Variants in CACNA1H observed in about 807,000 individuals in gnomAD.
CACNA1H encodes voltage-dependent T-type calcium channel subunit alpha-1H.
In CACNA1H, 149 loss-of-function variants were observed where a neutral mutation model predicts 192.5. The ratio of observed to expected loss-of-function variants is 0.77; its 90% CI spans 0.68 to 0.89. CACNA1H has a LOEUF of 0.89. CACNA1H is among the 40% of genes least tolerant of loss of function. The pLI is 0.00. For missense variants in CACNA1H, 4,257 were observed against 3,423.5 expected, an observed-to-expected ratio of 1.24 and a Z score of -6.08; for synonymous variants, 2,202 against 1,475.2, an observed-to-expected ratio of 1.49 and a Z score of -11.29.
intron 26 of CACNA1H, 102 bp downstream of exon 26, chr16:1,212,630 C>A: frequency 7.1e-7 from 1 of 1,415,694 alleles, no homozygotes; most frequent in Non-Finnish European, 9.7e-7. Flanking sequence ...AGGGTGGGCA[C>A]AGGCAGCCGG....
At chr16:1,172,019 C>T (rs948534425) in intron 2 of CACNA1H, among the ~76,000 whole-genome samples, 13 of 152,332 alleles carry the variant, frequency 8.5e-5, no homozygotes, top group South Asian at 2.1e-4. Context: ...CTGTGGAGTC[C>T]GAGTGGGTCG....
chr16:1,192,799 A>AG (rs1966735176), intron 2 of CACNA1H, among the ~76,000 whole-genome samples: 1 of 152,112 alleles, frequency 6.6e-6, no homozygotes, highest in Non-Finnish European at 1.5e-5. Flanking sequence ...AGACATCTGG[A>AG]GGCGGGTCTC....
chr16:1,173,844 A>G (rs759751734), intron 2 of CACNA1H, among the ~76,000 whole-genome samples: 5 of 152,114 alleles, frequency 3.3e-5, no homozygotes, highest in Non-Finnish European at 5.9e-5. Flanking sequence ...AGTTGTGGAC[A>G]TTAACCTGTG....
At chr16:1,216,325 A>G (rs1032085330) in intron 30 of CACNA1H, among the ~76,000 whole-genome samples, 71 of 152,066 alleles carry the variant, frequency 4.7e-4, no homozygotes, top group African/African-American at 1.5e-3. Flanking sequence ...GCCAGGTACC[A>G]CTCCACCAGG....
At chr16:1,157,118 G>C (rs932959232) in intron 2 of CACNA1H, 2 of 152,214 alleles carry the variant, frequency 1.3e-5, no homozygotes, top group Non-Finnish European at 2.9e-5. Flanking sequence ...AGCTGCCGCC[G>C]TCCCGGCACA....
intron 2 of CACNA1H, among the ~76,000 whole-genome samples, chr16:1,170,871 G>C (rs1964298165): frequency 6.6e-6 from 1 of 152,182 alleles, no homozygotes; most frequent in Admixed American, 6.5e-5. Flanking sequence ...TGTGGGTCAG[G>C]GTTCAAGGCG....
chr16:1,209,519 G>A, intron 17 of CACNA1H, 107 bp downstream of exon 17: 1 of 1,369,754 alleles, frequency 7.3e-7, no homozygotes, highest in Non-Finnish European at 1.0e-6. Flanking sequence ...TTGACTGAGG[G>A]GATTCAGAAG....
At chr16:1,178,738 C>G (rs569189869) in intron 2 of CACNA1H, among the ~76,000 whole-genome samples, 88 of 152,310 alleles carry the variant, frequency 5.8e-4, no homozygotes, top group African/African-American at 2.0e-3. Flanking sequence ...CGGCCAGGAG[C>G]TCCTGGGCAG....
At position 1,158,130 on chromosome 16, in the gene CACNA1H, G is replaced by A. The variant is rs184597099; in HGVS notation, c.299+4094G>A. ...GGTGTGGGTTCCCACTGAGCCCTAC[G>A]GCCTACCCACGAGAGGGCTGGATGT... On this transcript the variant is annotated intron_variant, in intron 2 of 34. Transcript: ENST00000348261. Among the ~76,000 whole-genome samples, 84 of 152,328 alleles carry A rather than the reference G, an allele frequency of 5.5e-4. No individual in the cohort carries two copies. In the East Asian group the frequency reaches 0.013, roughly 23 times the overall value.
chr16:1,168,199 C>A (rs973897578), intron 2 of CACNA1H, among the ~76,000 whole-genome samples: 5 of 151,958 alleles, frequency 3.3e-5, no homozygotes, highest in African/African-American at 9.7e-5. Context: ...GGGATCCCCC[C>A]CCCCAAGTGA....
In CACNA1H at chr16:1,171,155, G is replaced by T. The variant is rs529001302; in HGVS notation, c.299+17119G>T. ...GCCTTCCCACCCGCACCCCTGGGGT[G>T]CTCTCTGGGGAGCCCTGGAAGTCCC... On this transcript the variant is annotated intron_variant, in intron 2 of 34. Transcript: ENST00000348261. 2.0e-5 allele frequency among the ~76,000 whole-genome samples: 3 copies of T among 152,236 alleles called. No homozygotes were observed. The East Asian group carries it at 5.8e-4, about 30-fold the overall frequency.
chr16:1,218,647 C>G lies in CACNA1H; in HGVS notation c.5883C>G (p.Pro1961=). The G allele has an allele frequency of 2.0e-6, 3 of 1,536,592 alleles. No individual in the cohort carries two copies. The highest frequency in any genetic ancestry group is 1.2e-5 in the South Asian group (1 of 82,244). The part of the protein sequence containing the change: ...VEMETYGAGT[P]LGSVASVHSP... ...TGGAGACCTATGGGGCCGGCACCCC[C>G]TTGGGTATGGTAGCCAGCAGGAAGA... The change falls in exon 33 of 35, where the codon CCC becomes CCG. Residue 1961 remains proline (P), a synonymous_variant. Coordinates refer to ENST00000348261, the MANE Select transcript of CACNA1H (RefSeq NM_021098.3).
At chr16:1,177,347 A>G (rs1964992072) in intron 2 of CACNA1H, among the ~76,000 whole-genome samples, 1 of 152,154 alleles carries the variant, frequency 6.6e-6, no homozygotes, top group African/African-American at 2.4e-5. Context: ...GCACCCTCGG[A>G]GACAGCCTGA....
chr16:1,158,434 GC>G (rs1201876519), intron 2 of CACNA1H, among the ~76,000 whole-genome samples: 11 of 152,238 alleles, frequency 7.2e-5, no homozygotes, highest in Middle Eastern at 3.4e-3. Context: ...GGGAAGAGAG[GC>G]CCCCGGGGAT....
At chr16:1,156,923 G>A (rs772860944) in intron 2 of CACNA1H, 1 of 152,246 alleles carries the variant, frequency 6.6e-6, no homozygotes, top group African/African-American at 2.4e-5. Context: ...CTCCAAGGAC[G>A]CCCTTATCCT....
chr16:1,195,829 G>A, intron 4 of CACNA1H, 97 bp from the exon 5 acceptor site: 1 of 1,045,196 alleles, frequency 9.6e-7, no homozygotes, highest in Non-Finnish European at 1.5e-6. Context: ...TGCCGGGCTG[G>A]CCGGTTCTAT....
chr16:1,204,394 G>T lies in CACNA1H; in HGVS notation c.2387G>T (p.Ser796Ile). 1 of 1,557,670 alleles carries T rather than the reference G, an allele frequency of 6.4e-7. No homozygotes were observed. ...CGCATCGTGGACAGCAAGTACTTCA[G>T]CCGTGGCATCATGATGGCCATCCTT... Reference protein sequence around the residue: ...LRRIVDSKYFSRGIMMAILVN... With the variant: ...LRRIVDSKYFIRGIMMAILVN... Residue 796 changes from serine to isoleucine, a missense_variant, in exon 10 of 35, where the codon AGC becomes ATC. Ser to Ile is a moderately radical substitution (Grantham distance 142). Transcript: ENST00000348261.
Position 1,220,388 on chromosome 16 carries a change from G to A in CACNA1H, c.6456G>A (p.Glu2152=), listed in dbSNP as rs1970387497. The A allele has an allele frequency of 5.2e-6, 8 of 1,524,112 alleles. No homozygotes were observed. In the East Asian group the frequency reaches 1.4e-4, roughly 27 times the overall value. The allele number at this position is 1,524,112 out of a possible 1,614,324, so 94.4% of individuals were successfully genotyped here. Residue 2152 remains glutamate (E), a synonymous_variant, in exon 35 of 35, where the codon GAG becomes GAA. Coordinates refer to ENST00000348261, the MANE Select transcript of CACNA1H (RefSeq NM_021098.3). ...GFLDKPGRAD[E]QWRPSAELGS... is the part of the protein sequence containing the mutation. Reference sequence around the variant, plus strand: ...TGGACAAGCCGGGCCGGGCAGACGAGCAGTGGCGGCCCTCGGCGGAGCTGG... The same window carrying A: ...TGGACAAGCCGGGCCGGGCAGACGAACAGTGGCGGCCCTCGGCGGAGCTGG...
At position 1,216,980 on chromosome 16, in the gene CACNA1H, G is replaced by A; in HGVS notation, c.5293G>A (p.Ala1765Thr). 1 of 1,601,652 alleles carries A rather than the reference G, an allele frequency of 6.2e-7. No homozygotes were observed. The highest frequency in any genetic ancestry group is 8.5e-7 in the Non-Finnish European group (1 of 1,174,336). ...CATGCTCCTGTTTTTTATCTATGCT[G>A]CGCTGGGAGTGGAGCTGTTCGGGAG... is the stretch of plus-strand genomic sequence containing the variant. Reference protein sequence around the residue: ...LFMLLFFIYAALGVELFGRLE... With the variant: ...LFMLLFFIYATLGVELFGRLE... The change falls in exon 31 of 35, where the codon GCG (alanine) becomes ACG (threonine). Residue 1765 changes from alanine (A) to threonine (T), a missense_variant. By Grantham distance (58) the Ala-to-Thr change is moderately conservative (BLOSUM62 0). Coordinates refer to ENST00000348261, the MANE Select transcript of CACNA1H (RefSeq NM_021098.3).
Sources: allele counts gnomAD v4.1 joint callset (sites outside exome capture counted in the v4.1 genomes callset), GRCh38; gene constraint gnomAD v4.1.1; transcripts MANE v1.5; gene names NCBI Gene and HGNC (gene_info 2026-07-23, HGNC 2026-07-21).